Variants in KYNU observed in about 807,000 individuals in gnomAD.
KYNU encodes L-kynurenine hydrolase.
A neutral mutation model predicts 59.2 loss-of-function variants in KYNU; 54 were observed. The observed-to-expected ratio is 0.91, with a 90% CI of 0.73 to 1.14. KYNU has a LOEUF of 1.14. Among genes scored for constraint, KYNU ranks in the 50% most tolerant of loss-of-function variants. The probability of loss-of-function intolerance (pLI) is 0.00; values close to 1 mark genes in which losing one functional copy is unlikely to be tolerated. For synonymous variants in KYNU, 177 were observed against 192.0 expected, an observed-to-expected ratio of 0.92 and a Z score of 0.65; for missense variants, 567 against 554.4, an observed-to-expected ratio of 1.02 and a Z score of -0.23.
intron 8 of KYNU, among the ~76,000 whole-genome samples, chr2:142,977,145 A>G (rs888532140): frequency 2.0e-5 from 3 of 152,130 alleles, no homozygotes; most frequent in Non-Finnish European, 2.9e-5. Flanking sequence ...CTCTTCCATC[A>G]TGGCTTGAAC....
chr2:143,039,719 A>G lies in KYNU; in HGVS notation c.1042-709A>G, dbSNP rs142921658. On this transcript the variant is annotated intron_variant, in intron 12 of 13. Transcript: ENST00000264170. ...AAGTGTGCATTCATCTGAAGACATA[A>G]GTGATTAACTTCTTTTAATCTACAA... 3.9e-3 allele frequency among the ~76,000 whole-genome samples: 591 copies of G among 152,252 alleles called. 18 individuals carry two copies. The highest frequency in any genetic ancestry group is 0.032 in the East Asian group (164 of 5,182).
chr2:142,969,479 C>T (rs899673049), intron 8 of KYNU, among the ~76,000 whole-genome samples: 1 of 151,130 alleles, frequency 6.6e-6, no homozygotes, highest in African/African-American at 2.5e-5. Context: ...CAGGTGGAAG[C>T]CTAAAATATG....
At chr2:142,945,168 A>G (rs1443961885) in intron 4 of KYNU, among the ~76,000 whole-genome samples, 1 of 152,198 alleles carries the variant, frequency 6.6e-6, no homozygotes, top group African/African-American at 2.4e-5. Flanking sequence ...TGCCATGTTA[A>G]TTGAGTCTTC....
In KYNU at chr2:142,951,633, T is replaced by C. The variant is rs527495443; in HGVS notation, c.374-3177T>C. ...ATTCTTTAGTGCCTTTAGGTCATAT[T>C]TGTAGTAAACACTTCTGTTAATGTT... On this transcript the variant is annotated intron_variant, in intron 4 of 13. Transcript: ENST00000264170. 1.2e-3 allele frequency among the ~76,000 whole-genome samples: 184 copies of C among 152,358 alleles called. 1 individual carries two copies. The highest frequency in any genetic ancestry group is 4.4e-3 in the African/African-American group (183 of 41,598).
chr2:142,932,928 G>A (rs1683274605), intron 4 of KYNU, among the ~76,000 whole-genome samples: 1 of 152,204 alleles, frequency 6.6e-6, no homozygotes. Flanking sequence ...GTCTTTGGCG[G>A]TTGTAGCTTC....
intron 11 of KYNU, among the ~76,000 whole-genome samples, chr2:143,032,136 G>T (rs1686765625): frequency 6.6e-6 from 1 of 152,016 alleles, no homozygotes; most frequent in Non-Finnish European, 1.5e-5. Flanking sequence ...AAATTAGCTG[G>T]GCGTGGTGAC....
rs985421041 is a variant in KYNU, at chr2:143,042,268, T to C, written c.*96T>C. On this transcript the variant is annotated 3_prime_UTR_variant, in exon 14 of 14. Coordinates refer to ENST00000264170, the MANE Select transcript of KYNU (RefSeq NM_003937.3). ...TTTAATTATTGAAAGTATGTCACCA[T>C]TGACCACATGTAACTAACAATAAAT... 1.7e-6 allele frequency: 2 copies of C among 1,186,378 alleles called. No homozygotes were observed. Among genetic ancestry groups the C allele is most frequent in the Admixed American group, 1.8e-5 (1 of 56,870 alleles). 73.5% of individuals were successfully genotyped at this position (1,186,378 alleles called of 1,614,324 possible). A position where few individuals can be genotyped will look rare whatever the true frequency, so the allele number is the denominator to read the frequency against.
chr2:143,042,606 A>ATG lies in KYNU; in HGVS notation c.*435_*436insGT, dbSNP rs1687088046. ...CTGATATATATATATATATATATATATATATATATATATATATATATATAT... is the reference window on the plus strand; with the variant it reads ...CTGATATATATATATATATATATATATGTATATATATATATATATATATATAT... On this transcript the variant is annotated 3_prime_UTR_variant, in exon 14 of 14. Coordinates refer to ENST00000264170, the MANE Select transcript of KYNU (RefSeq NM_003937.3). The ATG allele has an allele frequency of 6.4e-4, 7 of 10,912 alleles. No individual in the cohort carries two copies. Among genetic ancestry groups the ATG allele is most frequent in the Non-Finnish European group, 5.8e-4 (1 of 1,716 alleles). 0.7% of individuals were successfully genotyped at this position (10,912 alleles called of 1,614,324 possible).
At chr2:142,933,692 G>A (rs564034746) in intron 4 of KYNU, among the ~76,000 whole-genome samples, 1 of 152,132 alleles carries the variant, frequency 6.6e-6, no homozygotes, top group African/African-American at 2.4e-5. Flanking sequence ...GATAGTGTGG[G>A]TGTTGCAGTG....
chr2:143,001,038 C>T (rs1431653259), intron 10 of KYNU, among the ~76,000 whole-genome samples: 1 of 152,156 alleles, frequency 6.6e-6, no homozygotes, highest in Non-Finnish European at 1.5e-5. Context: ...CTTTGTCTTC[C>T]TTAAGTACTG....
At chr2:142,940,382 G>A (rs1683558520) in intron 4 of KYNU, among the ~76,000 whole-genome samples, 1 of 152,118 alleles carries the variant, frequency 6.6e-6, no homozygotes, top group Non-Finnish European at 1.5e-5. Context: ...CCAGGGAAGT[G>A]GTAAAGTGAT....
At chr2:142,967,204 A>G (rs1684573982) in intron 8 of KYNU, 1 of 152,138 alleles carries the variant, frequency 6.6e-6, no homozygotes, top group African/African-American at 2.4e-5. Context: ...AGAGCCAAAT[A>G]AGTATTTGTT....
At chr2:142,884,707 T>G (rs1406769162) in intron 1 of KYNU, among the ~76,000 whole-genome samples, 5 of 140,860 alleles carry the variant, frequency 3.5e-5, no homozygotes, top group African/African-American at 5.4e-5. Context: ...TTTTTTTTTT[T>G]TTTTTGGTTT....
intron 2 of KYNU, among the ~76,000 whole-genome samples, chr2:142,900,020 T>C (rs1246494464): frequency 1.3e-5 from 2 of 152,166 alleles, no homozygotes; most frequent in Non-Finnish European, 2.9e-5. Flanking sequence ...CTGGGGTTCT[T>C]GGCCTCAAAG....
At chr2:143,004,684 G>T (rs1050827265) in intron 10 of KYNU, among the ~76,000 whole-genome samples, 1 of 152,144 alleles carries the variant, frequency 6.6e-6, no homozygotes, top group African/African-American at 2.4e-5. Flanking sequence ...CTGAGTGACA[G>T]AGCAAGACTC....
At chr2:142,934,062 G>A (rs1005575892) in intron 4 of KYNU, among the ~76,000 whole-genome samples, 1 of 152,188 alleles carries the variant, frequency 6.6e-6, no homozygotes, top group African/African-American at 2.4e-5. Context: ...TGAGCCTGAG[G>A]TCCTGGATTA....
intron 10 of KYNU, among the ~76,000 whole-genome samples, chr2:143,007,718 A>G (rs1573894460): frequency 8.2e-6 from 1 of 122,322 alleles, no homozygotes; most frequent in Non-Finnish European, 1.6e-5. Context: ...CTCGGCAGAA[A>G]CCCTACAAGC....
intron 4 of KYNU, among the ~76,000 whole-genome samples, chr2:142,937,585 A>G (rs1348784288): frequency 2.0e-5 from 3 of 152,236 alleles, no homozygotes; most frequent in African/African-American, 7.2e-5. Flanking sequence ...GAGTAGGTTC[A>G]CAGACTCCAG....
At chr2:142,980,751 G>T (rs1411431062) in intron 8 of KYNU, among the ~76,000 whole-genome samples, 2 of 152,046 alleles carry the variant, frequency 1.3e-5, no homozygotes, top group African/African-American at 4.8e-5. Flanking sequence ...GTATGAGTGT[G>T]ATTGTATCAA....
Sources: gnomAD v4.1 joint callset for allele counts (sites outside exome capture counted in the v4.1 genomes callset) on GRCh38, gnomAD v4.1.1 for gene constraint, MANE v1.5 for transcripts, NCBI Gene and HGNC (gene_info 2026-07-23, HGNC 2026-07-21) for gene names.